The following ARID3A variants were observed in gnomAD, a reference collection of about 807,000 sequenced individuals.
The protein encoded by ARID3A is AT-rich interaction domain 3A.
A neutral mutation model predicts 52.7 loss-of-function variants in ARID3A; 11 were observed. The observed-to-expected ratio is 0.21, with a 90% CI of 0.13 to 0.35. The LOEUF (loss-of-function observed/expected upper bound fraction) is 0.35, where lower values mean the gene tolerates loss of function less well. Ranked by LOEUF, ARID3A falls within the 10% of genes least tolerant of loss-of-function variation. The pLI is 1.00. For synonymous variants in ARID3A, 404 were observed against 359.4 expected, an observed-to-expected ratio of 1.12 and a Z score of -1.40; for missense variants, 721 against 838.5, an observed-to-expected ratio of 0.86 and a Z score of 1.73.
At chr19:948,581 C>T (rs2238578) in intron 3 of ARID3A, among the ~76,000 whole-genome samples, 4,620 of 152,214 alleles carry the variant, frequency 0.03, 189 homozygotes, top group East Asian at 0.18. Flanking sequence ...GCCCTCCTCC[C>T]GCCTGCAGCC....
chr19:940,552 C>G (rs962585293), intron 3 of ARID3A, among the ~76,000 whole-genome samples: 4 of 152,066 alleles, frequency 2.6e-5, no homozygotes, highest in African/African-American at 9.7e-5. Flanking sequence ...AACACTGCAG[C>G]TGGGCTTCTG....
At chr19:930,262 G>A (rs1176216286) in intron 2 of ARID3A, among the ~76,000 whole-genome samples, 1 of 151,868 alleles carries the variant, frequency 6.6e-6, no homozygotes, top group African/African-American at 2.4e-5. Context: ...AAGAAAAATG[G>A]TTTTTTTAGC....
In ARID3A at chr19:959,124, T is replaced by G. The variant is rs1031148457; in HGVS notation, c.694-968T>G. ...CACTGACGAAATCACCAACAGACATTTATCAGGACGCATCCTGCACGAAGA... is the reference window on the plus strand; with the variant it reads ...CACTGACGAAATCACCAACAGACATGTATCAGGACGCATCCTGCACGAAGA... On this transcript the variant is annotated intron_variant, in intron 3 of 8. Coordinates refer to ENST00000263620, the MANE Select transcript of ARID3A (RefSeq NM_005224.3). This position sits in a 1 kb window ranked among gnomAD's most constrained non-coding sequence, Gnocchi z 5.0. Among the ~76,000 whole-genome samples, 7 of 152,120 alleles carry G rather than the reference T, an allele frequency of 4.6e-5. No individual in the cohort carries two copies. Among genetic ancestry groups the G allele is most frequent in the African/African-American group, 9.7e-5 (4 of 41,430 alleles).
At chr19:970,676 T>C (rs928026904) in intron 8 of ARID3A, among the ~76,000 whole-genome samples, 2 of 151,946 alleles carry the variant, frequency 1.3e-5, no homozygotes, top group African/African-American at 4.8e-5. Flanking sequence ...GGTTTCACCA[T>C]GTTGGTCAGG....
intron 3 of ARID3A, among the ~76,000 whole-genome samples, chr19:954,220 G>A (rs950418305): frequency 2.0e-5 from 3 of 152,210 alleles, no homozygotes; most frequent in Non-Finnish European, 4.4e-5. Flanking sequence ...GGGTCTGGCA[G>A]GAGGGGCGGC....
chr19:955,599 G>A (rs2037900473), intron 3 of ARID3A, among the ~76,000 whole-genome samples: 1 of 152,200 alleles, frequency 6.6e-6, no homozygotes, highest in Admixed American at 6.5e-5. Flanking sequence ...TAGCTGGGGC[G>A]CCAGGTGCTT....
chr19:926,232 C>G (rs1330272010), intron 1 of ARID3A, among the ~76,000 whole-genome samples, 173 bp downstream of exon 1: 1 of 150,670 alleles, frequency 6.6e-6, no homozygotes, highest in African/African-American at 2.4e-5. Flanking sequence ...GTTCCCAGCG[C>G]GGGTTCCGGT....
intron 6 of ARID3A, among the ~76,000 whole-genome samples, chr19:966,314 C>T (rs1263959932): frequency 2.0e-5 from 3 of 151,774 alleles, no homozygotes; most frequent in Non-Finnish European, 4.4e-5. Flanking sequence ...ACAAAATTAG[C>T]CAGGCGTGGT....
At position 941,746 on chromosome 19, in the gene ARID3A, C is replaced by T. The variant is rs556273244; in HGVS notation, c.693+9004C>T. On this transcript the variant is annotated intron_variant, in intron 3 of 8. Coordinates refer to ENST00000263620, the MANE Select transcript of ARID3A (RefSeq NM_005224.3). This position sits in a 1 kb window ranked among gnomAD's most constrained non-coding sequence, Gnocchi z 6.9. Reference sequence around the variant, plus strand: ...GGATTACAGGCGTGAGCTGCTGTGCCGGACTGGTCTCTTGTGTTTTGTGTG... The same window carrying T: ...GGATTACAGGCGTGAGCTGCTGTGCTGGACTGGTCTCTTGTGTTTTGTGTG... Among the ~76,000 whole-genome samples, 14 of 151,400 alleles carry T rather than the reference C, an allele frequency of 9.2e-5. 1 individual carries two copies. Among genetic ancestry groups the T allele is most frequent in the South Asian group, 4.2e-4 (2 of 4,792 alleles).
At chr19:927,734 G>C (rs1400199856) in intron 1 of ARID3A, among the ~76,000 whole-genome samples, 4 of 152,108 alleles carry the variant, frequency 2.6e-5, no homozygotes, top group African/African-American at 9.7e-5. Context: ...GGGGGGCTGG[G>C]TGCCGCCCTG....
Position 960,029 on chromosome 19 carries a change from G to T in ARID3A, c.694-63G>T. Reference sequence around the variant, plus strand: ...TCCTGACCTGGCCTCCAGTGCAGGAGGGACATGGTTCCCACACCTGAGCTC... The same window carrying T: ...TCCTGACCTGGCCTCCAGTGCAGGATGGACATGGTTCCCACACCTGAGCTC... On this transcript the variant is annotated intron_variant, in intron 3 of 8. Transcript: ENST00000263620. This position sits in a 1 kb window ranked among gnomAD's most constrained non-coding sequence, Gnocchi z 4.3. 1 of 1,469,628 alleles carries T rather than the reference G, an allele frequency of 6.8e-7. No homozygotes were observed. The allele number at this position is 1,469,628 out of a possible 1,614,324, so 91.0% of individuals were successfully genotyped here. A position where few individuals can be genotyped will look rare whatever the true frequency, so the allele number is the denominator to read the frequency against.
chr19:934,500 G>A lies in ARID3A; in HGVS notation c.693+1758G>A, dbSNP rs184507178. Among the ~76,000 whole-genome samples, 259 of 152,348 alleles carry A rather than the reference G, an allele frequency of 1.7e-3. 2 individuals are homozygous for A. The highest frequency in any genetic ancestry group is 6.8e-3 in the Middle Eastern group (2 of 294). ...ATGTGGGGTTTTTCTGCAGCGGGAA[G>A]CCGAGATGGGGAAACTGAGGCCAGT... On this transcript the variant is annotated intron_variant, in intron 3 of 8. Coordinates refer to ENST00000263620, the MANE Select transcript of ARID3A (RefSeq NM_005224.3).
intron 4 of ARID3A, among the ~76,000 whole-genome samples, chr19:962,624 C>T (rs1231222474): frequency 4.0e-5 from 6 of 149,920 alleles, no homozygotes; most frequent in African/African-American, 1.5e-4. Flanking sequence ...AAGTGATTCC[C>T]CTGCCTCAGC....
Position 947,089 on chromosome 19 carries a change from C to G in ARID3A, c.694-13003C>G, listed in dbSNP as rs1207071662. On this transcript the variant is annotated intron_variant, in intron 3 of 8. Coordinates refer to ENST00000263620, the MANE Select transcript of ARID3A (RefSeq NM_005224.3). This position sits in a 1 kb window ranked among gnomAD's most constrained non-coding sequence, Gnocchi z 6.3. ...GGATCAAAGGTGGGAGCCACTGTGC[C>G]CAGCCCACACTGAGATTCTGCATTG... Among the ~76,000 whole-genome samples, 2 of 152,130 alleles carry G rather than the reference C, an allele frequency of 1.3e-5. No homozygotes were observed. The highest frequency in any genetic ancestry group is 4.8e-5 in the African/African-American group (2 of 41,428).
intron 3 of ARID3A, among the ~76,000 whole-genome samples, chr19:945,118 G>A (rs566785745): frequency 6.6e-6 from 1 of 152,328 alleles, no homozygotes; most frequent in South Asian, 2.1e-4. Context: ...GGAAGAACTA[G>A]ACAGATCACC....
At position 975,736 on chromosome 19, in the gene ARID3A, G is replaced by GAAAAAAA. The variant is rs200120532; in HGVS notation, c.*3680_*3686dup. ...TCGCAGAACATTCAGGTATTAAAAG[G>GAAAAAAA]AAAAAAAAAAAAAAAGACAAAAAGA... On this transcript the variant is annotated 3_prime_UTR_variant, in exon 9 of 9. Coordinates refer to ENST00000263620, the MANE Select transcript of ARID3A (RefSeq NM_005224.3). The GAAAAAAA allele has an allele frequency of 1.1e-5, 1 of 89,560 alleles. No individual in the cohort carries two copies. The highest frequency in any genetic ancestry group is 2.5e-5 in the Non-Finnish European group (1 of 40,642). 5.5% of individuals were successfully genotyped at this position (89,560 alleles called of 1,614,324 possible).
At chr19:930,864 G>T (rs1488154829) in intron 2 of ARID3A, among the ~76,000 whole-genome samples, 2 of 152,050 alleles carry the variant, frequency 1.3e-5, no homozygotes, top group Non-Finnish European at 2.9e-5. Context: ...GGCTACAGCA[G>T]ATTCAGCGGC....
In ARID3A at chr19:940,724, C is replaced by T. The variant is rs112558625; in HGVS notation, c.693+7982C>T. 1.1e-3 allele frequency among the ~76,000 whole-genome samples: 172 copies of T among 152,286 alleles called. 1 individual carries two copies. The highest frequency in any genetic ancestry group is 3.8e-3 in the African/African-American group (159 of 41,566). On this transcript the variant is annotated intron_variant, in intron 3 of 8. Coordinates refer to ENST00000263620, the MANE Select transcript of ARID3A (RefSeq NM_005224.3). ...CAGAGTGTGTTTGTCAAGAGAGCCC[C>T]GAGCCAGGCCCTCGGCCGCCAGCCC... is the stretch of plus-strand genomic sequence containing the variant.
At chr19:936,789 C>T (rs1295893936) in intron 3 of ARID3A, among the ~76,000 whole-genome samples, 1 of 152,004 alleles carries the variant, frequency 6.6e-6, no homozygotes, top group East Asian at 1.9e-4. Context: ...TACAGTGAGC[C>T]GAGATCATGC....
Sources: allele counts gnomAD v4.1 joint callset (sites outside exome capture counted in the v4.1 genomes callset), GRCh38; gene constraint gnomAD v4.1.1; non-coding constraint Gnocchi (gnomAD v3.1); transcripts MANE v1.5; gene names NCBI Gene and HGNC (gene_info 2026-07-23, HGNC 2026-07-21).